The following BRDT variants were observed in gnomAD, a reference collection of about 807,000 sequenced individuals.
BRDT encodes bromodomain testis-specific protein.
A neutral mutation model predicts 113.9 loss-of-function variants in BRDT; 77 were observed. That is an observed-to-expected ratio of 0.68 (90% CI 0.56 to 0.82). The LOEUF (loss-of-function observed/expected upper bound fraction) is 0.82. Ranked by LOEUF, BRDT falls within the 40% of genes least tolerant of loss-of-function variation. The pLI, the probability that BRDT is intolerant of heterozygous loss-of-function variation, is 0.00. For missense variants in BRDT, 1,027 were observed against 1,105.4 expected, an observed-to-expected ratio of 0.93 and a Z score of 1.01; for synonymous variants, 358 against 366.5, an observed-to-expected ratio of 0.98 and a Z score of 0.26.
intron 1 of BRDT, among the ~76,000 whole-genome samples, chr1:91,954,567 A>G (rs10875096): frequency 0.7 from 106,869 of 152,042 alleles, 38,826 homozygotes; most frequent in Middle Eastern, 0.81. Context: ...GACATGAGCC[A>G]CCGTGTATGA....
chr1:91,984,709 C>T (rs12116850), intron 12 of BRDT, among the ~76,000 whole-genome samples: 106,949 of 152,094 alleles, frequency 0.7, 38,715 homozygotes, highest in Middle Eastern at 0.82. Flanking sequence ...TATCACGGCT[C>T]ACTCCTCTGC....
intron 18 of BRDT, among the ~76,000 whole-genome samples, chr1:92,013,204 C>T (rs530720496): frequency 1.5e-5 from 2 of 129,596 alleles, no homozygotes; most frequent in African/African-American, 5.6e-5. Flanking sequence ...GGTGACAAAA[C>T]GACACAATGT....
chr1:91,984,904 G>T (rs1685068828), intron 12 of BRDT, among the ~76,000 whole-genome samples: 1 of 152,162 alleles, frequency 6.6e-6, no homozygotes, highest in Non-Finnish European at 1.5e-5. Context: ...CTCCCAAAGT[G>T]CTGGGATTAC....
At position 92,004,555 on chromosome 1, in the gene BRDT, G is replaced by A. The variant is rs767252777; in HGVS notation, c.2530G>A (p.Glu844Lys). Reference sequence around the variant, plus strand: ...AAAGGAAGTAAAAGCTCGGACACAGGAACTCATACGGAAGCATTTGGAACA... The same window carrying A: ...AAAGGAAGTAAAAGCTCGGACACAGAAACTCATACGGAAGCATTTGGAACA... ...IEKEVKARTQ[E>K]LIRKHLEQNT... Residue 844 changes from glutamate (E) to lysine (K), a missense_variant, in exon 17 of 19, where the codon GAA becomes AAA. By Grantham distance (56) the Glu-to-Lys change is moderately conservative (BLOSUM62 1). Coordinates refer to ENST00000399546, the MANE Select transcript of BRDT (RefSeq NM_207189.4). 1.1e-5 allele frequency: 17 copies of A among 1,612,968 alleles called. 1 individual carries two copies. In the South Asian group the frequency reaches 1.8e-4, roughly 17 times the overall value.
intron 18 of BRDT, among the ~76,000 whole-genome samples, chr1:92,007,957 G>A (rs1371111755): frequency 6.7e-5 from 10 of 150,356 alleles, no homozygotes; most frequent in Middle Eastern, 6.8e-3. Context: ...CGCTCTTGTC[G>A]CCCAGCCTGG....
chr1:91,981,463 T>G (rs1317204603), intron 11 of BRDT, 82 bp downstream of exon 11: 15 of 1,508,482 alleles, frequency 9.9e-6, no homozygotes, highest in African/African-American at 4.1e-5. Flanking sequence ...CAGGCTGGTC[T>G]TGAACTCCTG....
At chr1:91,997,518 G>C (rs1686454872) in intron 15 of BRDT, among the ~76,000 whole-genome samples, 1 of 152,138 alleles carries the variant, frequency 6.6e-6, no homozygotes, top group African/African-American at 2.4e-5. Flanking sequence ...AAGAATGCTA[G>C]GGTAGCCTTG....
intron 1 of BRDT, among the ~76,000 whole-genome samples, chr1:91,956,728 A>G (rs1557798166): frequency 6.6e-6 from 1 of 152,130 alleles, no homozygotes; most frequent in Non-Finnish European, 1.5e-5. Context: ...ACTTGAAGCC[A>G]GGAATTTGAG....
chr1:91,966,804 C>T lies in BRDT; in HGVS notation c.331-1342C>T, dbSNP rs2101596598. ...TGAATATGTTGCCTGGGTGCGGTGG[C>T]TCATGCCTGTAATCCCAGCACTTTG... On this transcript the variant is annotated intron_variant, in intron 3 of 18. Transcript: ENST00000399546. 1.3e-5 allele frequency among the ~76,000 whole-genome samples: 2 copies of T among 152,286 alleles called. 1 individual carries two copies. Among genetic ancestry groups the T allele is most frequent in the South Asian group, 4.1e-4 (2 of 4,826 alleles).
At chr1:91,975,982 C>T (rs1306200265) in intron 4 of BRDT, among the ~76,000 whole-genome samples, 1 of 152,150 alleles carries the variant, frequency 6.6e-6, no homozygotes, top group African/African-American at 2.4e-5. Context: ...TTCATAGCTA[C>T]CTGAAGCTAA....
At chr1:91,952,984 G>GTTT (rs1465801434) in intron 1 of BRDT, among the ~76,000 whole-genome samples, 1 of 151,860 alleles carries the variant, frequency 6.6e-6, no homozygotes, top group African/African-American at 2.4e-5. Context: ...TAAGTTCTAG[G>GTTT]GTACATGTGC....
chr1:91,967,822 C>CA (rs1298112697), intron 3 of BRDT, among the ~76,000 whole-genome samples: 1 of 152,190 alleles, frequency 6.6e-6, no homozygotes, highest in Admixed American at 6.5e-5. Context: ...CGTGAGCCAC[C>CA]ATGCCTGGCG....
intron 4 of BRDT, among the ~76,000 whole-genome samples, chr1:91,971,179 C>T (rs1683596801): frequency 6.6e-6 from 1 of 151,980 alleles, no homozygotes; most frequent in Non-Finnish European, 1.5e-5. Flanking sequence ...TCCTTCATTA[C>T]GTCAAGGACG....
chr1:91,964,883 G>A, intron 3 of BRDT, 119 bp downstream of exon 3: 1 of 464,356 alleles, frequency 2.2e-6, no homozygotes, highest in Non-Finnish European at 3.4e-6. Flanking sequence ...CTTGACGTGT[G>A]TGTGTGTGTG....
intron 18 of BRDT, 145 bp downstream of exon 18, chr1:92,005,444 T>A: frequency 2.8e-6 from 2 of 712,472 alleles, no homozygotes; most frequent in Non-Finnish European, 4.0e-6. Flanking sequence ...GTTCTAAAAT[T>A]AAAGCTTAAA....
chr1:91,970,093 G>A lies in BRDT; in HGVS notation c.445+1833G>A, dbSNP rs569188625. The stretch of plus-strand genomic sequence containing the variant: ...GATCCACCTGCCTTGGCCTCCCAAA[G>A]TGCTGTGATTACAGGCATGAGCTGC... On this transcript the variant is annotated intron_variant, in intron 4 of 18. Coordinates refer to ENST00000399546, the MANE Select transcript of BRDT (RefSeq NM_207189.4). Among the ~76,000 whole-genome samples, 12 of 152,094 alleles carry A rather than the reference G, an allele frequency of 7.9e-5. No homozygotes were observed. The East Asian group carries it at 1.9e-3, about 24-fold the overall frequency.
chr1:91,987,015 G>A (rs1685314209), intron 12 of BRDT, among the ~76,000 whole-genome samples: 1 of 150,768 alleles, frequency 6.6e-6, no homozygotes, highest in African/African-American at 2.4e-5. Flanking sequence ...TCAGCTAACT[G>A]CAAACTCTGC....
rs1680830313 is a variant in BRDT at position 91,949,682 on chromosome 1, G to C, written c.-38G>C. ...CACCCCGCTTCGTGCCTGCAGCCCAGGTGAGTTGCCAGTCGCTTCCCTTTG... is the reference window on the plus strand; with the variant it reads ...CACCCCGCTTCGTGCCTGCAGCCCACGTGAGTTGCCAGTCGCTTCCCTTTG... On this transcript the variant is annotated splice_region_variant and 5_prime_UTR_variant, in exon 1 of 19. Transcript: ENST00000399546. 1 of 152,262 alleles carries C rather than the reference G, an allele frequency of 6.6e-6. No homozygotes were observed. Among genetic ancestry groups the C allele is most frequent in the Non-Finnish European group, 1.5e-5 (1 of 68,138 alleles). The allele number at this position is 152,262 out of a possible 1,614,324, so 9.4% of individuals were successfully genotyped here. A position where few individuals can be genotyped will look rare whatever the true frequency, so the allele number is the denominator to read the frequency against.
intron 4 of BRDT, among the ~76,000 whole-genome samples, chr1:91,975,281 TA>T (rs780280447): frequency 1.2e-4 from 18 of 150,310 alleles, no homozygotes; most frequent in African/African-American, 4.4e-4. Flanking sequence ...AAAAGTATAA[TA>T]AAAAAAATTT....
Sources: gnomAD v4.1 joint callset for allele counts (sites outside exome capture counted in the v4.1 genomes callset) on GRCh38, gnomAD v4.1.1 for gene constraint, MANE v1.5 for transcripts, NCBI Gene and HGNC (gene_info 2026-07-23, HGNC 2026-07-21) for gene names.